TFAP2D: variants seen among roughly 807,000 people sequenced by gnomAD.
TFAP2D encodes transcription factor AP-2-delta.
Under a neutral mutation model 43.6 loss-of-function variants are expected in TFAP2D, and 9 were observed. The ratio of observed to expected loss-of-function variants is 0.21; its 90% CI spans 0.12 to 0.36. The LOEUF (loss-of-function observed/expected upper bound fraction) is 0.36. Ranked by LOEUF, TFAP2D falls within the 10% of genes least tolerant of loss-of-function variation. The pLI is 1.00. For synonymous variants in TFAP2D, 256 were observed against 224.9 expected (o/e 1.14, Z -1.24); for missense variants, 513 against 561.4 (o/e 0.91, Z 0.87).
intron 5 of TFAP2D, among the ~76,000 whole-genome samples, chr6:50,738,333 G>A (rs538093336): frequency 7.4e-6 from 1 of 134,580 alleles, no homozygotes; most frequent in Non-Finnish European, 1.8e-5. Context: ...GGCTGTTATG[G>A]GTTTTTGTTT....
At position 50,753,824 on chromosome 6, in the gene TFAP2D, G is replaced by C. The variant is rs572901705; in HGVS notation, c.1139+2500G>C. On this transcript the variant is annotated intron_variant, in intron 7 of 7. Transcript: ENST00000008391. ...TTCCCATTTATTATGATTTTTAAAT[G>C]TTTGCCAGAATTGTTATTTTTCTTT... 8.6e-5 allele frequency among the ~76,000 whole-genome samples: 13 copies of C among 151,780 alleles called. No homozygotes were observed. In the South Asian group the frequency reaches 2.7e-3, roughly 32 times the overall value.
At chr6:50,726,448 C>T (rs941474476) in intron 3 of TFAP2D, among the ~76,000 whole-genome samples, 7 of 152,160 alleles carry the variant, frequency 4.6e-5, no homozygotes, top group Non-Finnish European at 1.0e-4. Flanking sequence ...GTGTGAGATT[C>T]CTTGTGTCCT....
intron 5 of TFAP2D, among the ~76,000 whole-genome samples, chr6:50,740,868 A>T (rs1769034006): frequency 6.6e-6 from 1 of 152,176 alleles, no homozygotes; most frequent in African/African-American, 2.4e-5. Flanking sequence ...GTTTTTCCTT[A>T]AAAAACATTT....
In TFAP2D at chr6:50,772,878, A is replaced by T; in HGVS notation, c.*14A>T. The T allele has an allele frequency of 2.5e-6, 4 of 1,602,050 alleles. No homozygotes were observed. The highest frequency in any genetic ancestry group is 3.4e-6 in the Non-Finnish European group (4 of 1,173,590). ...AAGACAGACTAGCTACATCAAACAG[A>T]ATCTATTTCCAGAGAGTCTTGCTGC... On this transcript the variant is annotated 3_prime_UTR_variant, in exon 8 of 8. Coordinates refer to ENST00000008391, the MANE Select transcript of TFAP2D (RefSeq NM_172238.4).
intron 7 of TFAP2D, among the ~76,000 whole-genome samples, chr6:50,752,004 G>A (rs2113886577): frequency 6.6e-6 from 1 of 151,784 alleles, no homozygotes; most frequent in South Asian, 2.1e-4. Context: ...TTTTTATCTT[G>A]GTGACACAAT....
chr6:50,757,391 T>A (rs1339819875), intron 7 of TFAP2D, among the ~76,000 whole-genome samples: 1 of 133,404 alleles, frequency 7.5e-6, no homozygotes, highest in East Asian at 2.2e-4. Context: ...AATTATTCTA[T>A]ATATAGAATA....
intron 3 of TFAP2D, among the ~76,000 whole-genome samples, chr6:50,724,785 CG>C (rs1281759286): frequency 1.3e-5 from 2 of 151,724 alleles, no homozygotes; most frequent in Non-Finnish European, 2.9e-5. Context: ...TGTGTGTCGG[CG>C]GGGGGACCTG....
At chr6:50,771,963 T>G (rs1769535117) in intron 7 of TFAP2D, among the ~76,000 whole-genome samples, 1 of 152,124 alleles carries the variant, frequency 6.6e-6, no homozygotes, top group African/African-American at 2.4e-5. Context: ...TGCGGCACTA[T>G]TCACAATAGC....
chr6:50,723,658 G>T (rs950504138), intron 3 of TFAP2D, among the ~76,000 whole-genome samples: 2 of 152,176 alleles, frequency 1.3e-5, no homozygotes, highest in Admixed American at 1.3e-4. Flanking sequence ...TTGTACCAAA[G>T]CATCCAGAAG....
intron 5 of TFAP2D, among the ~76,000 whole-genome samples, chr6:50,744,230 G>A (rs1769093340): frequency 6.6e-6 from 1 of 152,054 alleles, no homozygotes; most frequent in South Asian, 2.1e-4. Flanking sequence ...CCCAGTGTCT[G>A]TTGTTCCTCT....
intron 7 of TFAP2D, among the ~76,000 whole-genome samples, chr6:50,769,842 A>G (rs190676009): frequency 2.6e-5 from 4 of 152,334 alleles, no homozygotes; most frequent in Admixed American, 2.6e-4. Flanking sequence ...AATATTATCT[A>G]GTTCTTAGTG....
At chr6:50,722,603 A>C (rs1002017687) in intron 3 of TFAP2D, among the ~76,000 whole-genome samples, 1 of 151,946 alleles carries the variant, frequency 6.6e-6, no homozygotes, top group Non-Finnish European at 1.5e-5. Context: ...CTGAGTATTT[A>C]ATAATAAGTG....
At chr6:50,731,412 C>T (rs189477215) in intron 5 of TFAP2D, among the ~76,000 whole-genome samples, 44 of 151,534 alleles carry the variant, frequency 2.9e-4, no homozygotes, top group Admixed American at 1.3e-3. Flanking sequence ...TGCGCCCTTC[C>T]GCTCTTGACA....
chr6:50,758,005 C>T lies in TFAP2D; in HGVS notation c.1139+6681C>T, dbSNP rs535564849. 4.0e-5 allele frequency among the ~76,000 whole-genome samples: 6 copies of T among 150,812 alleles called. No homozygotes were observed. In the South Asian group the frequency reaches 1.3e-3, roughly 31 times the overall value. On this transcript the variant is annotated intron_variant, in intron 7 of 7. Coordinates refer to ENST00000008391, the MANE Select transcript of TFAP2D (RefSeq NM_172238.4). ...AAATAAATGTAGATTATAATAATAT[C>T]TCAATTGGGTCCTGTGTATATTCTC...
chr6:50,728,841 T>A lies in TFAP2D; in HGVS notation c.599-15T>A. On this transcript the variant is annotated splice_polypyrimidine_tract_variant and intron_variant, in intron 3 of 7. Transcript: ENST00000008391. The stretch of plus-strand genomic sequence containing the variant: ...TCACTGTCACTAACATGTTATATAC[T>A]TTTTTTCTCCCAAGGTGGCACCTGT... The A allele has an allele frequency of 1.2e-6, 2 of 1,612,350 alleles. No homozygotes were observed. The highest frequency in any genetic ancestry group is 1.7e-6 in the Non-Finnish European group (2 of 1,179,110).
intron 5 of TFAP2D, among the ~76,000 whole-genome samples, chr6:50,740,667 G>T (rs1769031146): frequency 6.6e-6 from 1 of 152,046 alleles, no homozygotes; most frequent in South Asian, 2.1e-4. Flanking sequence ...TTAAACTCCT[G>T]ACCTCGTGAT....
Position 50,715,569 on chromosome 6 carries a change from G to C in TFAP2D, c.493G>C (p.Gly165Arg). The change falls in exon 2 of 8, where the codon GGG (glycine) becomes CGG (arginine). Residue 165 changes from glycine to arginine, a missense_variant. This residue lies in a region of TFAP2D where 311 missense variants were observed against 316.2 expected (regional missense o/e 0.98). Coordinates refer to ENST00000008391, the MANE Select transcript of TFAP2D (RefSeq NM_172238.4). ...GCACCCAGATCAAAGACTCCTGCCA[G>C]GGCCCAGCCTGGGGCTGGCCGCCGC... is the stretch of plus-strand genomic sequence containing the variant. ...GMHPDQRLLPGPSLGLAAAGA... is the reference protein window; with the variant it reads ...GMHPDQRLLPRPSLGLAAAGA... 1 of 1,606,848 alleles carries C rather than the reference G, an allele frequency of 6.2e-7. No individual in the cohort carries two copies. The highest frequency in any genetic ancestry group is 1.1e-5 in the South Asian group (1 of 91,028).
At chr6:50,727,320 C>T (rs962614142) in intron 3 of TFAP2D, among the ~76,000 whole-genome samples, 4 of 152,134 alleles carry the variant, frequency 2.6e-5, no homozygotes. Context: ...GGTTTGGGAT[C>T]CCTTTGCCTT....
chr6:50,735,813 G>T (rs1010085281), intron 5 of TFAP2D, among the ~76,000 whole-genome samples: 30 of 152,120 alleles, frequency 2.0e-4, no homozygotes, highest in African/African-American at 6.8e-4. Context: ...TATAGATAAG[G>T]TCTACTAAGA....
Sources: allele counts gnomAD v4.1 joint callset (sites outside exome capture counted in the v4.1 genomes callset), GRCh38; gene constraint gnomAD v4.1.1; regional missense constraint gnomAD v4.1.1; transcripts MANE v1.5; gene names NCBI Gene and HGNC (gene_info 2026-07-23, HGNC 2026-07-21).